The following CDH13 variants were observed in gnomAD, a reference collection of about 807,000 sequenced individuals.
The protein encoded by CDH13 is cadherin 13, also known as cadherin-13.
In CDH13, 24 loss-of-function variants were observed where a neutral mutation model predicts 63.8. The observed-to-expected ratio is 0.38, with a 90% CI of 0.27 to 0.53. The LOEUF (loss-of-function observed/expected upper bound fraction) is 0.53, where lower values mean the gene tolerates loss of function less well. Ranked by LOEUF, CDH13 falls within the 20% of genes least tolerant of loss-of-function variation. The probability of loss-of-function intolerance (pLI) is 0.85; values close to 1 mark genes in which losing one functional copy is unlikely to be tolerated. For synonymous variants in CDH13, 503 were observed against 355.3 expected (o/e 1.42, Z -4.67); for missense variants, 1,049 against 903.1 (o/e 1.16, Z -2.07).
chr16:83,484,624 A>C (rs1047806842), intron 6 of CDH13, among the ~76,000 whole-genome samples: 1 of 152,234 alleles, frequency 6.6e-6, no homozygotes, highest in African/African-American at 2.4e-5. Context: ...AGATGAGGCC[A>C]ACATCTTTCC....
intron 1 of CDH13, among the ~76,000 whole-genome samples, chr16:82,770,398 A>G (rs1027181058): frequency 6.6e-6 from 1 of 152,236 alleles, no homozygotes; most frequent in Non-Finnish European, 1.5e-5. Flanking sequence ...TTGCAGTCCA[A>G]TTATAATGGT....
rs114622981 is a variant in CDH13 at position 82,984,479 on chromosome 16, G to A, written c.158-47531G>A. Among the ~76,000 whole-genome samples the A allele has an allele frequency of 3.4e-3, 520 of 152,258 alleles. 5 individuals carry two copies. Among genetic ancestry groups the A allele is most frequent in the African/African-American group, 0.012 (500 of 41,552 alleles). On this transcript the variant is annotated intron_variant, in intron 2 of 13. Transcript: ENST00000567109. ...ACTTCTCAGAACCTCAGATTTCTTC[G>A]CTGTAAAATAAGGATGGTAATGACA...
chr16:82,769,920 A>T (rs1439697192), intron 1 of CDH13, among the ~76,000 whole-genome samples: 1 of 152,266 alleles, frequency 6.6e-6, no homozygotes, highest in African/African-American at 2.4e-5. Context: ...TAACGAGCCC[A>T]TGAATGCATG....
At chr16:83,020,299 C>T (rs921137640) in intron 2 of CDH13, among the ~76,000 whole-genome samples, 5 of 152,220 alleles carry the variant, frequency 3.3e-5, no homozygotes, top group Admixed American at 3.3e-4. Flanking sequence ...GCATCTGTCA[C>T]ATGAATTCAC....
At chr16:82,639,315 G>T (rs12444222) in intron 1 of CDH13, 6 of 1,383,748 alleles carry the variant, frequency 4.3e-6, no homozygotes, top group African/African-American at 1.4e-5. Context: ...GGGTCAGCCC[G>T]GGGTCATTTG....
chr16:83,501,085 A>T (rs1420613789), intron 7 of CDH13, among the ~76,000 whole-genome samples: 1 of 152,250 alleles, frequency 6.6e-6, no homozygotes, highest in African/African-American at 2.4e-5. Context: ...AGACATAGCA[A>T]TGGCTTTCCT....
intron 11 of CDH13, among the ~76,000 whole-genome samples, chr16:83,768,972 C>G (rs939682936): frequency 2.0e-5 from 3 of 152,140 alleles, no homozygotes. Flanking sequence ...CTCATTTTAC[C>G]CAGCTCCTAT....
chr16:83,379,895 T>C (rs1398655087), intron 6 of CDH13, among the ~76,000 whole-genome samples: 2 of 144,214 alleles, frequency 1.4e-5, no homozygotes, highest in Non-Finnish European at 3.0e-5. Flanking sequence ...TGTATATAGA[T>C]ATATGTATTA....
chr16:83,170,807 T>C (rs1272327971), intron 4 of CDH13, among the ~76,000 whole-genome samples: 1 of 152,136 alleles, frequency 6.6e-6, no homozygotes, highest in Non-Finnish European at 1.5e-5. Context: ...GGCATGTGCA[T>C]GTTTCCTGAT....
chr16:83,450,462 T>C (rs2072855874), intron 6 of CDH13, among the ~76,000 whole-genome samples: 1 of 152,144 alleles, frequency 6.6e-6, no homozygotes, highest in South Asian at 2.1e-4. Context: ...ATGTAAAGGG[T>C]AGTATCTGAT....
chr16:82,855,932 G>C (rs1323415842), intron 1 of CDH13, among the ~76,000 whole-genome samples: 1 of 152,134 alleles, frequency 6.6e-6, no homozygotes, highest in South Asian at 2.1e-4. Context: ...TGAGTTCTCT[G>C]GTGGGGATGA....
At chr16:82,847,043 C>G (rs2039288327) in intron 1 of CDH13, among the ~76,000 whole-genome samples, 1 of 152,172 alleles carries the variant, frequency 6.6e-6, no homozygotes, top group Admixed American at 6.5e-5. Context: ...TTCTCCCTTC[C>G]TTCCCCACCT....
intron 4 of CDH13, among the ~76,000 whole-genome samples, chr16:83,177,700 T>G (rs1442128572): frequency 6.6e-6 from 1 of 152,202 alleles, no homozygotes; most frequent in Non-Finnish European, 1.5e-5. Context: ...CGCCTGTTAC[T>G]CAAAATCTCT....
At chr16:83,563,472 T>C (rs1196393955) in intron 7 of CDH13, among the ~76,000 whole-genome samples, 1 of 152,236 alleles carries the variant, frequency 6.6e-6, no homozygotes, top group Admixed American at 6.5e-5. Context: ...GCAAATGCAT[T>C]AATTTGGTTT....
intron 4 of CDH13, among the ~76,000 whole-genome samples, chr16:83,177,425 T>A (rs970167823): frequency 6.6e-6 from 1 of 152,196 alleles, no homozygotes; most frequent in African/African-American, 2.4e-5. Context: ...ATCAATCACT[T>A]TCCTCAAAGT....
At chr16:83,076,019 C>G (rs889906147) in intron 3 of CDH13, among the ~76,000 whole-genome samples, 1 of 152,074 alleles carries the variant, frequency 6.6e-6, no homozygotes, top group African/African-American at 2.4e-5. Context: ...GGGAAGTATG[C>G]AAAATGGCTG....
At position 83,216,443 on chromosome 16, in the gene CDH13, T is replaced by TATATAC. The variant is rs1472700247; in HGVS notation, c.484-901_484-900insTATACA. Among the ~76,000 whole-genome samples, 292 of 93,422 alleles carry TATATAC rather than the reference T, an allele frequency of 3.1e-3. 20 individuals are homozygous for TATATAC. The highest frequency in any genetic ancestry group is 8.2e-3 in the African/African-American group (208 of 25,374). 61.3% of individuals were successfully genotyped at this position (93,422 alleles called of 152,430 possible). On this transcript the variant is annotated intron_variant, in intron 4 of 13. Coordinates refer to ENST00000567109, the MANE Select transcript of CDH13 (RefSeq NM_001257.5). ...ATATATATATATATATATATATATA[T>TATATAC]ACACAACCCTAATTTGAGGTTTATA...
rs886211976 is a variant in CDH13 at position 82,970,487 on chromosome 16, C to T, written c.158-61523C>T. 9.3e-5 allele frequency among the ~76,000 whole-genome samples: 11 copies of T among 118,306 alleles called. No individual in the cohort carries two copies. The Admixed American group carries it at 9.4e-4, about 10-fold the overall frequency. 77.6% of individuals were successfully genotyped at this position (118,306 alleles called of 152,430 possible). A position where few individuals can be genotyped will look rare whatever the true frequency, so the allele number is the denominator to read the frequency against. On this transcript the variant is annotated intron_variant, in intron 2 of 13. Coordinates refer to ENST00000567109, the MANE Select transcript of CDH13 (RefSeq NM_001257.5). ...CAATCTCGGCTCACTGCAAGCTCCA[C>T]TTCCCGGGTTCACGCCATTCTCCTG...
intron 10 of CDH13, among the ~76,000 whole-genome samples, chr16:83,747,442 C>G (rs139314318): frequency 1.3e-5 from 2 of 152,230 alleles, no homozygotes; most frequent in East Asian, 3.9e-4. Context: ...GCCATGATTG[C>G]GAGGCCTCCT....
Sources: gnomAD v4.1 joint callset for allele counts (sites outside exome capture counted in the v4.1 genomes callset) on GRCh38, gnomAD v4.1.1 for gene constraint, MANE v1.5 for transcripts, NCBI Gene and HGNC (gene_info 2026-07-23, HGNC 2026-07-21) for gene names.